RSF1: variants seen among roughly 807,000 people sequenced by gnomAD.
The protein encoded by RSF1 is remodeling and spacing factor 1, also known as HBV pX-associated protein 8.
In RSF1, 13 loss-of-function variants were observed where a neutral mutation model predicts 145.2. The ratio of observed to expected loss-of-function variants is 0.09; its 90% CI spans 0.06 to 0.14. The LOEUF is 0.14. RSF1 is among the 10% of genes least tolerant of loss of function. RSF1 has a pLI of 1.00. For missense variants in RSF1, 1,517 were observed against 1,718.2 expected (o/e 0.88, Z 2.07); for synonymous variants, 577 against 592.6 (o/e 0.97, Z 0.38).
At chr11:77,835,922 A>T in the RSF1 span, among the ~76,000 whole-genome samples, 4,076 of 152,168 alleles carry the variant, frequency 0.027, 151 homozygotes, top group African/African-American at 0.086. Context: ...AAGAAAAAAA[A>T]AATAATAATA....
At chr11:77,800,533 C>A (rs970778058) in intron 1 of RSF1, among the ~76,000 whole-genome samples, 4 of 152,010 alleles carry the variant, frequency 2.6e-5, no homozygotes, top group Non-Finnish European at 4.4e-5. Context: ...CAAAGAAAGC[C>A]CAGTACCAGA....
At chr11:77,757,810 T>C (rs989987911) in intron 2 of RSF1, among the ~76,000 whole-genome samples, 1 of 152,126 alleles carries the variant, frequency 6.6e-6, no homozygotes, top group Non-Finnish European at 1.5e-5. Flanking sequence ...TAATGAAGCT[T>C]GAGCTACGCT....
At chr11:77,820,990 C>T (rs1052918573), upstream of RSF1, 11 of 511,544 alleles carry the variant, frequency 2.2e-5, no homozygotes, top group Non-Finnish European at 3.8e-5. Flanking sequence ...CTTGCCACTG[C>T]CTCGTGTGAC....
At chr11:77,695,079 A>C (rs1038510514) in intron 7 of RSF1, among the ~76,000 whole-genome samples, 1 of 152,200 alleles carries the variant, frequency 6.6e-6, no homozygotes, top group African/African-American at 2.4e-5. Flanking sequence ...ATCCACTCTA[A>C]GGTCACCTTC....
At chr11:77,753,793 C>G (rs934312600) in intron 2 of RSF1, among the ~76,000 whole-genome samples, 3 of 152,200 alleles carry the variant, frequency 2.0e-5, no homozygotes, top group African/African-American at 7.2e-5. Flanking sequence ...TATTGTACAA[C>G]CTAAGATTGG....
chr11:77,718,829 A>G (rs1170218573), intron 5 of RSF1, among the ~76,000 whole-genome samples: 1 of 152,228 alleles, frequency 6.6e-6, no homozygotes, highest in Non-Finnish European at 1.5e-5. Context: ...TTTGTTATGA[A>G]TAGCCTGAAC....
chr11:77,725,124 GAGA>G (rs1961023171), intron 5 of RSF1, among the ~76,000 whole-genome samples: 1 of 152,186 alleles, frequency 6.6e-6, no homozygotes, highest in Admixed American at 6.5e-5. Context: ...AGCTTTAACT[GAGA>G]AAGATCAAAA....
At chr11:77,787,211 C>A (rs1451603356) in intron 1 of RSF1, among the ~76,000 whole-genome samples, 4 of 152,148 alleles carry the variant, frequency 2.6e-5, no homozygotes, top group African/African-American at 9.7e-5. Context: ...GGTCTATGAA[C>A]AAGGCCTGCC....
At chr11:77,806,335 T>C (rs1948677459) in intron 1 of RSF1, among the ~76,000 whole-genome samples, 1 of 151,986 alleles carries the variant, frequency 6.6e-6, no homozygotes, top group Non-Finnish European at 1.5e-5. Context: ...AGGATTCAAA[T>C]AAAAAGTAAT....
chr11:77,791,971 C>T (rs139800014), intron 1 of RSF1, among the ~76,000 whole-genome samples: 1,946 of 152,246 alleles, frequency 0.013, 45 homozygotes, highest in African/African-American at 0.043. Flanking sequence ...TCAGCAACAC[C>T]CCACTCTACT....
rs552576997 is a variant in RSF1, at chr11:77,789,726, CACT to C, written c.188-25040_188-25038del. ...GCCTGGGGAATGCCCCGCACCTGCC[CACT>C]ACTGATTGTACCTGCACACACCAAC... On this transcript the variant is annotated intron_variant, in intron 1 of 15. Transcript: ENST00000308488. Among the ~76,000 whole-genome samples the C allele has an allele frequency of 1.8e-3, 270 of 152,330 alleles. 2 individuals carry two copies. Among genetic ancestry groups the C allele is most frequent in the African/African-American group, 6.4e-3 (265 of 41,574 alleles).
At chr11:77,798,208 C>T (rs1948591421) in intron 1 of RSF1, among the ~76,000 whole-genome samples, 1 of 152,126 alleles carries the variant, frequency 6.6e-6, no homozygotes, top group African/African-American at 2.4e-5. Context: ...CACATGAACA[C>T]GTATGTTTAC....
chr11:77,858,133 G>A, the RSF1 span, among the ~76,000 whole-genome samples: 63 of 151,052 alleles, frequency 4.2e-4, no homozygotes, highest in Admixed American at 4.0e-4. Flanking sequence ...ATCCTGTCGC[G>A]TCAGCCTCCT....
At chr11:77,691,498 T>C (rs1270425555) in intron 8 of RSF1, among the ~76,000 whole-genome samples, 1 of 152,248 alleles carries the variant, frequency 6.6e-6, no homozygotes, top group Non-Finnish European at 1.5e-5. Context: ...CTACTGGCAA[T>C]AGTCAATGTT....
rs954991895 is a variant in RSF1, at chr11:77,693,451, G to A, written c.2820+56C>T. On this transcript the variant is annotated intron_variant, in intron 8 of 15. Transcript: ENST00000308488. ...ATATTCATTCAGTAGCTATTAAACA[G>A]TTATTAATTTGAATACAAACTCAAA... 1.5e-5 allele frequency: 16 copies of A among 1,087,638 alleles called. No homozygotes were observed. The African/African-American group carries it at 2.2e-4, about 15-fold the overall frequency. 67.4% of individuals were successfully genotyped at this position (1,087,638 alleles called of 1,614,324 possible).
chr11:77,789,758 G>T (rs1269247340), intron 1 of RSF1, among the ~76,000 whole-genome samples: 1 of 152,208 alleles, frequency 6.6e-6, no homozygotes, highest in East Asian at 1.9e-4. Context: ...CACCAACAGG[G>T]AGCCTGAGGA....
intron 5 of RSF1, among the ~76,000 whole-genome samples, chr11:77,721,731 C>T (rs1342842850): frequency 6.6e-6 from 1 of 152,160 alleles, no homozygotes; most frequent in Admixed American, 6.5e-5. Context: ...GTAAGCTTTA[C>T]AAAAGCAAGG....
At chr11:77,739,403 T>TA (rs34515223) in intron 4 of RSF1, 27,267 of 152,474 alleles carry the variant, frequency 0.18, 3,062 homozygotes, top group African/African-American at 0.3. Context: ...AGATCATATT[T>TA]GTCTTTGTAT....
At chr11:77,751,331 C>T (rs917938053) in intron 2 of RSF1, among the ~76,000 whole-genome samples, 1 of 152,164 alleles carries the variant, frequency 6.6e-6, no homozygotes, top group African/African-American at 2.4e-5. Flanking sequence ...AAGATCTCAT[C>T]CCTGGGGGCA....
Sources: gnomAD v4.1 joint callset for allele counts (sites outside exome capture counted in the v4.1 genomes callset) on GRCh38, gnomAD v4.1.1 for gene constraint, MANE v1.5 for transcripts, NCBI Gene and HGNC (gene_info 2026-07-23, HGNC 2026-07-21) for gene names.